Variants in GABRB1 observed in about 807,000 individuals in gnomAD.
GABRB1 encodes gamma-aminobutyric acid type A receptor subunit beta1, also known as gamma-aminobutyric acid receptor subunit beta-1.
Under a neutral mutation model 51.6 loss-of-function variants are expected in GABRB1, and 17 were observed. The ratio of observed to expected loss-of-function variants is 0.33; its 90% CI spans 0.23 to 0.49. The LOEUF (loss-of-function observed/expected upper bound fraction) is 0.49, where lower values mean the gene tolerates loss of function less well. Ranked by LOEUF, GABRB1 falls within the 20% of genes least tolerant of loss-of-function variation. GABRB1 has a pLI of 0.99. For missense variants in GABRB1, 410 were observed against 600.6 expected, an observed-to-expected ratio of 0.68 and a Z score of 3.32; for synonymous variants, 247 against 218.9, an observed-to-expected ratio of 1.13 and a Z score of -1.14.
intron 5 of GABRB1, among the ~76,000 whole-genome samples, chr4:47,346,366 G>C (rs958539140): frequency 3.3e-5 from 5 of 152,332 alleles, no homozygotes; most frequent in Admixed American, 3.3e-4. Flanking sequence ...GTGAACATAT[G>C]CCAATTAATG....
intron 3 of GABRB1, among the ~76,000 whole-genome samples, chr4:47,105,517 G>T (rs1340690901): frequency 1.3e-5 from 2 of 152,070 alleles, no homozygotes; most frequent in African/African-American, 4.8e-5. Context: ...ACCTGAAAGA[G>T]ATCTCAAATG....
intron 4 of GABRB1, among the ~76,000 whole-genome samples, chr4:47,188,804 C>T (rs1418689101): frequency 6.6e-6 from 1 of 151,910 alleles, no homozygotes; most frequent in Non-Finnish European, 1.5e-5. Flanking sequence ...GTGCTGAAGT[C>T]AGTATGTGAC....
chr4:47,138,573 C>T (rs943905510), intron 3 of GABRB1, among the ~76,000 whole-genome samples: 5 of 152,128 alleles, frequency 3.3e-5, no homozygotes, highest in African/African-American at 9.6e-5. Context: ...GAGTCTTCTG[C>T]GGATTGTTGC....
intron 4 of GABRB1, among the ~76,000 whole-genome samples, chr4:47,169,801 C>T (rs892396899): frequency 1.3e-5 from 2 of 152,162 alleles, no homozygotes; most frequent in Non-Finnish European, 2.9e-5. Context: ...CGTGCCCGGC[C>T]TTGAAAGCAT....
chr4:47,382,904 C>T (rs968207144), intron 5 of GABRB1, among the ~76,000 whole-genome samples: 7 of 152,134 alleles, frequency 4.6e-5, no homozygotes, highest in Non-Finnish European at 8.8e-5. Flanking sequence ...TCTAGCAAAA[C>T]CAATAATAAT....
intron 5 of GABRB1, among the ~76,000 whole-genome samples, chr4:47,342,724 A>C (rs975721697): frequency 6.6e-6 from 1 of 152,162 alleles, no homozygotes; most frequent in Non-Finnish European, 1.5e-5. Context: ...TTTCTTACAG[A>C]ATCCATCAAT....
At chr4:47,191,068 C>A (rs921508137) in intron 4 of GABRB1, among the ~76,000 whole-genome samples, 1 of 152,232 alleles carries the variant, frequency 6.6e-6, no homozygotes, top group Admixed American at 6.5e-5. Flanking sequence ...TTTATTCTTT[C>A]TCTTGCCTGG....
intron 5 of GABRB1, among the ~76,000 whole-genome samples, chr4:47,360,887 C>T (rs1301503764): frequency 2.0e-5 from 3 of 152,014 alleles, no homozygotes; most frequent in Non-Finnish European, 4.4e-5. Flanking sequence ...TTTTGTTGAA[C>T]ACTTACTATA....
intron 1 of GABRB1, among the ~76,000 whole-genome samples, chr4:47,002,292 G>A (rs1376157100): frequency 6.6e-6 from 1 of 152,176 alleles, no homozygotes; most frequent in African/African-American, 2.4e-5. Flanking sequence ...TAGTGAGTGA[G>A]CATATTTGGC....
chr4:47,412,792 A>T (rs1177103696), intron 8 of GABRB1, among the ~76,000 whole-genome samples: 1 of 152,190 alleles, frequency 6.6e-6, no homozygotes, highest in Non-Finnish European at 1.5e-5. Flanking sequence ...GCTGAATAAG[A>T]GGAGGTAGTG....
intron 5 of GABRB1, among the ~76,000 whole-genome samples, chr4:47,400,526 G>GTCTCTCTCTCTCTCTCTCTCTC (rs56896606): frequency 1.2e-4 from 14 of 117,948 alleles, no homozygotes; most frequent in East Asian, 2.0e-4. Flanking sequence ...CCAGGAGGTA[G>GTCTCTCTCTCTCTCTCTCTCTC]TCTCTCTCTC....
At chr4:47,227,086 T>C (rs749600290) in intron 4 of GABRB1, among the ~76,000 whole-genome samples, 19 of 152,300 alleles carry the variant, frequency 1.2e-4, no homozygotes, top group Admixed American at 2.0e-4. Flanking sequence ...CAACATCAAG[T>C]GCCTGAGAGG....
chr4:47,098,217 C>T (rs1250193863), intron 3 of GABRB1, among the ~76,000 whole-genome samples: 2 of 151,210 alleles, frequency 1.3e-5, no homozygotes, highest in Non-Finnish European at 1.5e-5. Context: ...TTCTTTCTTC[C>T]TTCTCTCTTT....
At chr4:47,379,606 C>T (rs1727524012) in intron 5 of GABRB1, among the ~76,000 whole-genome samples, 1 of 152,006 alleles carries the variant, frequency 6.6e-6, no homozygotes, top group Non-Finnish European at 1.5e-5. Context: ...AATTGAAAAC[C>T]ATCTGTGTAC....
At chr4:47,374,218 C>A (rs1727302584) in intron 5 of GABRB1, among the ~76,000 whole-genome samples, 1 of 152,146 alleles carries the variant, frequency 6.6e-6, no homozygotes, top group African/African-American at 2.4e-5. Context: ...GAAACCTGGT[C>A]TCTACAAATA....
At chr4:47,041,384 A>G (rs1377501291) in intron 3 of GABRB1, among the ~76,000 whole-genome samples, 8 of 152,154 alleles carry the variant, frequency 5.3e-5, no homozygotes, top group Admixed American at 1.3e-4. Flanking sequence ...AGAGAAAGAC[A>G]GAGAAACAGC....
chr4:47,218,341 G>GA (rs1166575320), intron 4 of GABRB1, among the ~76,000 whole-genome samples: 1 of 151,596 alleles, frequency 6.6e-6, no homozygotes, highest in Non-Finnish European at 1.5e-5. Context: ...TATTTCCTTT[G>GA]AAAAAACACC....
At chr4:47,402,185 A>T (rs1728419303) in intron 5 of GABRB1, among the ~76,000 whole-genome samples, 1 of 152,216 alleles carries the variant, frequency 6.6e-6, no homozygotes, top group African/African-American at 2.4e-5. Context: ...GGACAAGTTG[A>T]TGGTGACCCT....
intron 3 of GABRB1, among the ~76,000 whole-genome samples, chr4:47,059,957 A>T (rs975811717): frequency 1.3e-5 from 2 of 152,126 alleles, no homozygotes; most frequent in African/African-American, 4.8e-5. Context: ...CATTGCCATT[A>T]TTTCTAATTT....
Sources: gnomAD v4.1 joint callset for allele counts (sites outside exome capture counted in the v4.1 genomes callset) on GRCh38, gnomAD v4.1.1 for gene constraint, MANE v1.5 for transcripts, NCBI Gene and HGNC (gene_info 2026-07-23, HGNC 2026-07-21) for gene names.